The following RPH3A variants were observed in gnomAD, a reference collection of about 807,000 sequenced individuals.
RPH3A encodes rabphilin 3A.
RPH3A carries 48 observed loss-of-function variants against 102.2 expected under a neutral mutation model. That is an observed-to-expected ratio of 0.47 (90% CI 0.37 to 0.60). The LOEUF (loss-of-function observed/expected upper bound fraction) is 0.60, where lower values mean the gene tolerates loss of function less well. Among genes scored for constraint, RPH3A ranks in the 20% least tolerant of loss-of-function variants. RPH3A has a pLI of 0.00. For synonymous variants in RPH3A, 310 were observed against 324.3 expected, an observed-to-expected ratio of 0.96 and a Z score of 0.47; for missense variants, 781 against 910.1, an observed-to-expected ratio of 0.86 and a Z score of 1.83.
intron 1 of RPH3A, among the ~76,000 whole-genome samples, chr12:112,722,557 CA>C (rs2136043150): frequency 6.6e-6 from 1 of 152,272 alleles, no homozygotes; most frequent in African/African-American, 2.4e-5. Flanking sequence ...TTGTATTTTC[CA>C]ACTTCACTTG....
intron 1 of RPH3A, among the ~76,000 whole-genome samples, chr12:112,687,487 A>G (rs1011846866): frequency 1.3e-5 from 2 of 152,202 alleles, no homozygotes; most frequent in African/African-American, 2.4e-5. Flanking sequence ...CCCTGCTGCA[A>G]AGGAGGCTGG....
intron 5 of RPH3A, among the ~76,000 whole-genome samples, chr12:112,860,724 T>C (rs2136211400): frequency 6.6e-6 from 1 of 152,362 alleles, no homozygotes; most frequent in Middle Eastern, 3.4e-3. Context: ...AACTAGATTC[T>C]AGCTGTGGCT....
At chr12:112,871,010 A>G (rs1184537910) in intron 10 of RPH3A, among the ~76,000 whole-genome samples, 1 of 152,216 alleles carries the variant, frequency 6.6e-6, no homozygotes, top group Non-Finnish European at 1.5e-5. Flanking sequence ...ATTTTACAGA[A>G]TGGAGAAACT....
chr12:112,786,314 GA>G (rs1307754012), intron 1 of RPH3A, among the ~76,000 whole-genome samples: 1 of 152,238 alleles, frequency 6.6e-6, no homozygotes. Context: ...TTCCTTGTGG[GA>G]AGGGATTTGT....
chr12:112,721,656 G>A (rs61942321), intron 1 of RPH3A, among the ~76,000 whole-genome samples: 1 of 144,076 alleles, frequency 6.9e-6, no homozygotes, highest in Admixed American at 6.9e-5. Context: ...TTTTTTTTTG[G>A]TGGTGATCTA....
At chr12:112,694,847 A>G (rs903204131) in intron 1 of RPH3A, among the ~76,000 whole-genome samples, 1 of 152,218 alleles carries the variant, frequency 6.6e-6, no homozygotes, top group African/African-American at 2.4e-5. Flanking sequence ...GGCTCTAGTT[A>G]AATGTGTGAG....
chr12:112,621,884 A>G (rs1301008525), intron 1 of RPH3A, among the ~76,000 whole-genome samples: 2 of 151,020 alleles, frequency 1.3e-5, no homozygotes, highest in Non-Finnish European at 3.0e-5. Flanking sequence ...CTGCCTCCTC[A>G]AGTGGGTCCC....
chr12:112,871,350 A>G (rs1384627660), intron 10 of RPH3A, among the ~76,000 whole-genome samples: 1 of 151,446 alleles, frequency 6.6e-6, no homozygotes, highest in Non-Finnish European at 1.5e-5. Flanking sequence ...ATAATTCCAC[A>G]CTCCTCTCTG....
At chr12:112,774,936 C>T (rs934422661) in intron 1 of RPH3A, among the ~76,000 whole-genome samples, 4 of 151,808 alleles carry the variant, frequency 2.6e-5, no homozygotes, top group African/African-American at 7.3e-5. Flanking sequence ...CAAACCTGCC[C>T]AGCCTACACA....
chr12:112,877,415 CGT>C (rs1425680317), intron 13 of RPH3A, among the ~76,000 whole-genome samples: 8 of 120,834 alleles, frequency 6.6e-5, no homozygotes, highest in African/African-American at 2.1e-4. Context: ...CACACACACA[CGT>C]ATACACACAC....
chr12:112,806,719 C>T (rs1463032233), intron 2 of RPH3A, among the ~76,000 whole-genome samples: 3 of 151,728 alleles, frequency 2.0e-5, no homozygotes, highest in African/African-American at 7.3e-5. Flanking sequence ...TCTAGTTGGT[C>T]GTTTATAGTA....
At chr12:112,784,146 C>T (rs575775369) in intron 1 of RPH3A, among the ~76,000 whole-genome samples, 61 of 152,262 alleles carry the variant, frequency 4.0e-4, no homozygotes, top group African/African-American at 1.3e-3. Flanking sequence ...GCTGGGGTGG[C>T]GGTGGGTAGA....
chr12:112,867,513 G>A (rs1447527312), intron 7 of RPH3A, among the ~76,000 whole-genome samples: 5 of 152,200 alleles, frequency 3.3e-5, no homozygotes, highest in Non-Finnish European at 2.9e-5. Context: ...TCAAGGGCTT[G>A]ATGAAGGTGT....
chr12:112,575,691 G>C (rs974846341), intron 1 of RPH3A, among the ~76,000 whole-genome samples: 1 of 151,326 alleles, frequency 6.6e-6, no homozygotes, highest in Non-Finnish European at 1.5e-5. Flanking sequence ...ACCCAGGCTC[G>C]ATATGTGCCT....
intron 1 of RPH3A, among the ~76,000 whole-genome samples, chr12:112,655,563 C>CTTTTTTTTTTTTTTTTT (rs71086113): frequency 1.8e-5 from 1 of 55,570 alleles, no homozygotes; most frequent in Non-Finnish European, 3.3e-5. Context: ...TTTTGTTGGT[C>CTTTTTTTTTTTTTTTTT]TTTTTTTTTT....
At chr12:112,628,833 C>T (rs1041633873) in intron 1 of RPH3A, among the ~76,000 whole-genome samples, 8 of 151,990 alleles carry the variant, frequency 5.3e-5, no homozygotes, top group Admixed American at 2.0e-4. Context: ...ATGGGATTCT[C>T]GTGTCTGCTG....
At chr12:112,738,532 C>T (rs772897473) in intron 1 of RPH3A, among the ~76,000 whole-genome samples, 6 of 152,114 alleles carry the variant, frequency 3.9e-5, no homozygotes, top group Non-Finnish European at 8.8e-5. Context: ...TAAGCACTTT[C>T]TAGACCACAT....
chr12:112,889,505 C>T (rs1220784490), intron 17 of RPH3A, among the ~76,000 whole-genome samples: 4 of 152,252 alleles, frequency 2.6e-5, no homozygotes, highest in Admixed American at 2.6e-4. Context: ...CTGAGGGCCC[C>T]TCCCCTCTGG....
intron 1 of RPH3A, among the ~76,000 whole-genome samples, chr12:112,686,363 C>G (rs1027495460): frequency 5.9e-5 from 9 of 152,140 alleles, no homozygotes; most frequent in Admixed American, 2.6e-4. Flanking sequence ...CCTTATACCC[C>G]AACCAGTAGA....
Sources: allele counts gnomAD v4.1 joint callset (sites outside exome capture counted in the v4.1 genomes callset), GRCh38; gene constraint gnomAD v4.1.1; transcripts MANE v1.5; gene names NCBI Gene and HGNC (gene_info 2026-07-23, HGNC 2026-07-21).